Variants in DMD observed in about 807,000 individuals in gnomAD.
DMD encodes the protein dystrophin.
A neutral mutation model predicts 330.1 loss-of-function variants in DMD; 63 were observed. That is an observed-to-expected ratio of 0.19 (90% CI 0.16 to 0.24). DMD has a LOEUF of 0.24. Among genes scored for constraint, DMD ranks in the 10% least tolerant of loss-of-function variants. The probability of loss-of-function intolerance (pLI) is 1.00; values close to 1 mark genes in which losing one functional copy is unlikely to be tolerated. For synonymous variants in DMD, 1,223 were observed against 959.8 expected, an observed-to-expected ratio of 1.27 and a Z score of -5.07; for missense variants, 3,344 against 2,684.1, an observed-to-expected ratio of 1.25 and a Z score of -5.43.
chrX:32,370,583 A>G (rs1166140377), intron 34 of DMD, among the ~76,000 whole-genome samples: 1 of 110,763 alleles, frequency 9.0e-6, no homozygotes, highest in Non-Finnish European at 1.9e-5. Context: ...GGCATGTAAC[A>G]GATGTTCTAT....
At chrX:31,432,405 G>A (rs7879959) in intron 60 of DMD, among the ~76,000 whole-genome samples, 11,058 of 111,735 alleles carry the variant, frequency 0.099, 488 homozygotes, top group East Asian at 0.33. Context: ...ACGCTGCGTA[G>A]TCAAGTTCAG....
chrX:33,120,051 C>G (rs1170141277), intron 1 of DMD, among the ~76,000 whole-genome samples: 1 of 111,689 alleles, frequency 9.0e-6, no homozygotes, highest in East Asian at 2.8e-4. Flanking sequence ...TCCTCACCCT[C>G]CCTCCCTCTA....
intron 62 of DMD, among the ~76,000 whole-genome samples, chrX:31,282,839 T>C (rs969393142): frequency 6.2e-5 from 7 of 112,020 alleles, no homozygotes; most frequent in Non-Finnish European, 1.1e-4. Context: ...TAAAATAAGG[T>C]GTTCTTTGAA....
rs184498227 is a variant in DMD, at chrX:32,357,168, C to T, written c.5325+5620G>A. Among the ~76,000 whole-genome samples the T allele has an allele frequency of 4.3e-4, 48 of 112,142 alleles. 1 individual carries two copies. Among genetic ancestry groups the T allele is most frequent in the Non-Finnish European group, 8.3e-4 (44 of 53,203 alleles). On this transcript the variant is annotated intron_variant, in intron 37 of 78. Transcript: ENST00000357033. ...CCTCCCAAAGTGTTGGGATTACAGG[C>T]GTGAGCCACCGCACCAGGCCTATTA...
At chrX:32,989,015 A>T (rs971012120) in intron 2 of DMD, among the ~76,000 whole-genome samples, 4 of 111,701 alleles carry the variant, frequency 3.6e-5, no homozygotes, top group African/African-American at 1.3e-4. Context: ...TAATTCAAAA[A>T]GAAAATAATG....
intron 43 of DMD, among the ~76,000 whole-genome samples, chrX:32,278,220 A>C (rs1343381699): frequency 9.0e-6 from 1 of 111,375 alleles, no homozygotes. Flanking sequence ...GAGGTAATGG[A>C]TAAATTCCTA....
chrX:31,884,050 T>A (rs888446507), intron 47 of DMD, among the ~76,000 whole-genome samples: 3 of 111,711 alleles, frequency 2.7e-5, no homozygotes, highest in Non-Finnish European at 5.6e-5. Flanking sequence ...TTGATGGGAA[T>A]GTAAATTAGT....
chrX:33,063,444 G>A (rs2094605364), intron 1 of DMD, among the ~76,000 whole-genome samples: 1 of 111,892 alleles, frequency 8.9e-6, no homozygotes, highest in African/African-American at 3.2e-5. Flanking sequence ...AGTACTGAGG[G>A]TGGAAAGTAA....
intron 63 of DMD, among the ~76,000 whole-genome samples, chrX:31,257,461 T>C (rs1461595143): frequency 7.2e-5 from 8 of 110,852 alleles, no homozygotes; most frequent in Non-Finnish European, 1.1e-4. Context: ...GACCATTTCA[T>C]CCAGCTCAAA....
chrX:32,941,207 G>A (rs2146815141), intron 2 of DMD, among the ~76,000 whole-genome samples: 1 of 112,206 alleles, frequency 8.9e-6, no homozygotes, highest in Admixed American at 9.5e-5. Flanking sequence ...TGGTGGGAAT[G>A]TAAATTAGTT....
intron 44 of DMD, among the ~76,000 whole-genome samples, chrX:32,123,230 TATATATATATATAA>T (rs1219411470): frequency 1.1e-5 from 1 of 87,972 alleles, no homozygotes; most frequent in African/African-American, 4.3e-5. Context: ...TATATATATA[TATATATATATATAA>T]ATGATCAAAA....
intron 48 of DMD, among the ~76,000 whole-genome samples, chrX:31,851,499 C>G (rs756065139): frequency 9.0e-4 from 101 of 111,680 alleles, no homozygotes; most frequent in Middle Eastern, 4.6e-3. Flanking sequence ...TGGAAGCTCT[C>G]CACCTTAAAG....
At chrX:32,284,011 T>C (rs2097430305) in intron 43 of DMD, among the ~76,000 whole-genome samples, 1 of 111,510 alleles carries the variant, frequency 9.0e-6, no homozygotes, top group Non-Finnish European at 1.9e-5. Context: ...GTGCTCCTGG[T>C]AAAGCAATGG....
intron 13 of DMD, among the ~76,000 whole-genome samples, chrX:32,595,505 C>T (rs761019336): frequency 5.4e-5 from 6 of 111,213 alleles, no homozygotes; most frequent in Non-Finnish European, 1.1e-4. Context: ...GCTTCCCAGC[C>T]TTATTTAATA....
chrX:32,671,035 A>G (rs772636357), intron 9 of DMD, among the ~76,000 whole-genome samples: 2 of 111,143 alleles, frequency 1.8e-5, no homozygotes, highest in African/African-American at 6.5e-5. Flanking sequence ...AGATCCACCA[A>G]TATAGATGAC....
At chrX:32,739,321 T>A (rs1428420465) in intron 7 of DMD, among the ~76,000 whole-genome samples, 1 of 111,815 alleles carries the variant, frequency 8.9e-6, no homozygotes, top group Non-Finnish European at 1.9e-5. Flanking sequence ...TGGCCAAGTC[T>A]TTTACCCTAA....
chrX:31,493,844 A>G (rs2069555950), intron 57 of DMD, among the ~76,000 whole-genome samples: 1 of 111,900 alleles, frequency 8.9e-6, no homozygotes, highest in South Asian at 3.7e-4. Context: ...TGATAACAAT[A>G]GTAGACAGTC....
chrX:32,487,694 T>C (rs1289510621), intron 20 of DMD, among the ~76,000 whole-genome samples: 1 of 110,888 alleles, frequency 9.0e-6, no homozygotes, highest in Non-Finnish European at 1.9e-5. Flanking sequence ...GAGGAATGTG[T>C]TTATGTGGTT....
chrX:32,803,337 G>A (rs1603429796), intron 7 of DMD, among the ~76,000 whole-genome samples: 1 of 110,357 alleles, frequency 9.1e-6, no homozygotes, highest in African/African-American at 3.3e-5. Flanking sequence ...TTTTTACTGT[G>A]TCTATTTGAT....
Sources: gnomAD v4.1 joint callset for allele counts (sites outside exome capture counted in the v4.1 genomes callset) on GRCh38, gnomAD v4.1.1 for gene constraint, MANE v1.5 for transcripts, NCBI Gene and HGNC (gene_info 2026-07-23, HGNC 2026-07-21) for gene names.